AGMO: variants seen among roughly 807,000 people sequenced by gnomAD.
AGMO encodes the protein glyceryl-ether monooxygenase.
AGMO carries 75 observed loss-of-function variants against 60.2 expected under a neutral mutation model. The observed-to-expected ratio is 1.25, with a 90% confidence interval of 1.03 to 1.51. AGMO has a LOEUF of 1.51. AGMO is among the 40% of genes most tolerant of loss of function. The probability of loss-of-function intolerance (pLI) is 0.00; values close to 1 mark genes in which losing one functional copy is unlikely to be tolerated. For missense variants in AGMO, 763 were observed against 525.5 expected, an observed-to-expected ratio of 1.45 and a Z score of -4.42; for synonymous variants, 261 against 177.1, an observed-to-expected ratio of 1.47 and a Z score of -3.76.
At chr7:15,422,568 C>T (rs1780955270) in intron 4 of AGMO, among the ~76,000 whole-genome samples, 1 of 151,978 alleles carries the variant, frequency 6.6e-6, no homozygotes, top group Admixed American at 6.6e-5. Context: ...AATAAAAAAA[C>T]CCTCACATTT....
At chr7:15,547,756 C>A (rs1018138626) in intron 2 of AGMO, among the ~76,000 whole-genome samples, 3 of 151,980 alleles carry the variant, frequency 2.0e-5, no homozygotes, top group African/African-American at 7.3e-5. Context: ...CCCGCCATTG[C>A]CCGGGCTTGA....
the AGMO span, among the ~76,000 whole-genome samples, chr7:15,174,819 A>G: frequency 6.6e-6 from 1 of 152,078 alleles, no homozygotes. Flanking sequence ...AGATTGAATT[A>G]AATTATTTTG....
At chr7:15,556,219 G>GTTTTTTTTTTTT (rs71004394) in intron 2 of AGMO, among the ~76,000 whole-genome samples, 1 of 91,506 alleles carries the variant, frequency 1.1e-5, no homozygotes, top group African/African-American at 3.9e-5. Context: ...CTCCTTTTTA[G>GTTTTTTTTTTTT]TTTTTTTTTT....
At chr7:15,186,165 T>C in the AGMO span, among the ~76,000 whole-genome samples, 10 of 152,300 alleles carry the variant, frequency 6.6e-5, no homozygotes, top group Admixed American at 2.0e-4. Flanking sequence ...GCTTCAGTAA[T>C]ATTCTGTTGG....
intron 3 of AGMO, among the ~76,000 whole-genome samples, chr7:15,510,105 A>G (rs1265015349): frequency 1.3e-5 from 2 of 152,212 alleles, no homozygotes; most frequent in African/African-American, 4.8e-5. Context: ...GGAAGAGATC[A>G]GCAGTACCAT....
At chr7:15,239,245 A>T (rs1169126460) in intron 12 of AGMO, among the ~76,000 whole-genome samples, 1 of 152,120 alleles carries the variant, frequency 6.6e-6, no homozygotes, top group African/African-American at 2.4e-5. Context: ...GGATCAGGTA[A>T]ACATCAAGAT....
intron 12 of AGMO, among the ~76,000 whole-genome samples, chr7:15,285,776 A>C (rs1784082703): frequency 6.6e-6 from 1 of 152,132 alleles, no homozygotes; most frequent in South Asian, 2.1e-4. Context: ...AATCCTAAGC[A>C]AAAAGAACAA....
chr7:15,151,940 C>G, the AGMO span, among the ~76,000 whole-genome samples: 1 of 152,214 alleles, frequency 6.6e-6, no homozygotes, highest in African/African-American at 2.4e-5. Flanking sequence ...TTAGTCTATT[C>G]TGTTTTTAGT....
chr7:15,523,695 A>T (rs987731397), intron 3 of AGMO, among the ~76,000 whole-genome samples: 1 of 152,030 alleles, frequency 6.6e-6, no homozygotes, highest in Non-Finnish European at 1.5e-5. Flanking sequence ...GGTGGAGTCA[A>T]GGGGAGGAAG....
chr7:15,382,866 TTAGA>T lies in AGMO; in HGVS notation c.1074+2576_1074+2579del, dbSNP rs375664051. Among the ~76,000 whole-genome samples, 50 of 152,286 alleles carry T rather than the reference TTAGA, an allele frequency of 3.3e-4. 1 individual carries two copies. The East Asian group carries it at 6.8e-3, about 21-fold the overall frequency. The stretch of plus-strand genomic sequence containing the variant: ...TATGTCACTAGGTGTTTATAAATGA[TTAGA>T]TACTTTGTTTGAAAACAAGTTCAAA... On this transcript the variant is annotated intron_variant, in intron 10 of 12. Coordinates refer to ENST00000342526, the MANE Select transcript of AGMO (RefSeq NM_001004320.2).
intron 12 of AGMO, among the ~76,000 whole-genome samples, chr7:15,296,937 G>C (rs1784422254): frequency 6.6e-6 from 1 of 152,056 alleles, no homozygotes; most frequent in Non-Finnish European, 1.5e-5. Context: ...CCTTCAGCTA[G>C]AACAAATCTC....
At chr7:15,389,556 G>C (rs751682789) in intron 8 of AGMO, among the ~76,000 whole-genome samples, 1 of 152,136 alleles carries the variant, frequency 6.6e-6, no homozygotes, top group Non-Finnish European at 1.5e-5. Flanking sequence ...TTTGGTGTAC[G>C]AGGAGATAAA....
intron 12 of AGMO, among the ~76,000 whole-genome samples, chr7:15,299,910 C>A (rs1784519998): frequency 6.7e-6 from 1 of 149,108 alleles, no homozygotes; most frequent in African/African-American, 2.5e-5. Context: ...TTCAACATAT[C>A]CTTTCCTCTT....
At chr7:15,529,656 C>CTAG (rs1784240024) in intron 3 of AGMO, among the ~76,000 whole-genome samples, 10 of 27,080 alleles carry the variant, frequency 3.7e-4, no homozygotes, top group African/African-American at 2.1e-3. Flanking sequence ...ACTATATATT[C>CTAG]TATATATATT....
the AGMO span, among the ~76,000 whole-genome samples, chr7:15,173,585 T>TA: frequency 6.6e-6 from 1 of 151,848 alleles, no homozygotes; most frequent in Non-Finnish European, 1.5e-5. Flanking sequence ...GACAATACAA[T>TA]AAAAAACTAC....
chr7:15,283,109 G>A (rs553117122), intron 12 of AGMO, among the ~76,000 whole-genome samples: 195 of 152,144 alleles, frequency 1.3e-3, no homozygotes, highest in African/African-American at 4.5e-3. Context: ...TGAAACAAAA[G>A]TCCTATATGA....
At chr7:15,135,159 AGTTTGTGT>A in the AGMO span, among the ~76,000 whole-genome samples, 50,929 of 124,866 alleles carry the variant, frequency 0.41, 9,864 homozygotes, top group South Asian at 0.58. Context: ...TATTTATATG[AGTTTGTGT>A]GTGTGTGTGT....
chr7:15,213,878 G>T (rs1225777022), intron 12 of AGMO, among the ~76,000 whole-genome samples: 1 of 151,948 alleles, frequency 6.6e-6, no homozygotes, highest in East Asian at 1.9e-4. Flanking sequence ...CATGTAAAAT[G>T]AACAATTTTG....
chr7:15,213,717 G>A (rs757166363), intron 12 of AGMO, among the ~76,000 whole-genome samples: 2 of 151,806 alleles, frequency 1.3e-5, no homozygotes, highest in Non-Finnish European at 2.9e-5. Flanking sequence ...TAGCTTCCTG[G>A]CACTCTGCTT....
Sources: gnomAD v4.1 joint callset for allele counts (sites outside exome capture counted in the v4.1 genomes callset) on GRCh38, gnomAD v4.1.1 for gene constraint, MANE v1.5 for transcripts, NCBI Gene and HGNC (gene_info 2026-07-23, HGNC 2026-07-21) for gene names.